The following NCK2 variants were observed in gnomAD, a reference collection of about 807,000 sequenced individuals.
NCK2 encodes the protein cytoplasmic protein NCK2.
Under a neutral mutation model 33.9 loss-of-function variants are expected in NCK2, and 16 were observed. The observed-to-expected ratio is 0.47, with a 90% CI of 0.32 to 0.72. The LOEUF is 0.72. NCK2 is among the 30% of genes least tolerant of loss of function. The probability of loss-of-function intolerance (pLI) is 0.03; values close to 1 mark genes in which losing one functional copy is unlikely to be tolerated. For synonymous variants in NCK2, 273 were observed against 239.9 expected (o/e 1.14, Z -1.27); for missense variants, 418 against 537.3 (o/e 0.78, Z 2.19).
At chr2:105,747,680 T>G (rs114027546) in intron 1 of NCK2, among the ~76,000 whole-genome samples, 329 of 152,346 alleles carry the variant, frequency 2.2e-3, no homozygotes, top group East Asian at 5.2e-3. Context: ...TCACTTCAGA[T>G]GCTTAGGAAA....
In NCK2 at chr2:105,891,565, T is replaced by TGAG. The variant is rs1678982509; in HGVS notation, c.949-1417_949-1416insGAG. On this transcript the variant is annotated intron_variant, in intron 4 of 4. Coordinates refer to ENST00000233154, the MANE Select transcript of NCK2 (RefSeq NM_003581.5). ...TTTTTTTTTTTTTTTTTTTTTTTTTTTTTGAGATTTTTCGCTCTTGTTGCC... is the reference window on the plus strand; with the variant it reads ...TTTTTTTTTTTTTTTTTTTTTTTTTTGAGTTTGAGATTTTTCGCTCTTGTTGCC... Among the ~76,000 whole-genome samples, 4 of 16,480 alleles carry TGAG rather than the reference T, an allele frequency of 2.4e-4. 1 individual carries two copies. The highest frequency in any genetic ancestry group is 1.6e-3 in the African/African-American group (3 of 1,824). The allele number at this position is 16,480 out of a possible 152,430, so 10.8% of individuals were successfully genotyped here.
At chr2:105,823,898 T>A (rs556426158) in intron 2 of NCK2, among the ~76,000 whole-genome samples, 1 of 152,170 alleles carries the variant, frequency 6.6e-6, no homozygotes, top group South Asian at 2.1e-4. Flanking sequence ...TCAAACGCCT[T>A]GTTCCGTGAC....
At chr2:105,844,766 A>ATATATG (rs1193124239) in intron 2 of NCK2, among the ~76,000 whole-genome samples, 4 of 132,728 alleles carry the variant, frequency 3.0e-5, no homozygotes, top group African/African-American at 2.6e-5. Context: ...ATATATATAT[A>ATATATG]TATGTATGTA....
chr2:105,770,409 A>G (rs901122861), intron 1 of NCK2, among the ~76,000 whole-genome samples: 12 of 152,172 alleles, frequency 7.9e-5, no homozygotes, highest in Non-Finnish European at 1.3e-4. Flanking sequence ...TGAGAGGTAG[A>G]TTTATGTGTC....
chr2:105,818,508 A>C (rs1675591737), intron 2 of NCK2, among the ~76,000 whole-genome samples: 1 of 152,062 alleles, frequency 6.6e-6, no homozygotes, highest in Non-Finnish European at 1.5e-5. Flanking sequence ...GCTTATAAGA[A>C]ATATATATTT....
chr2:105,827,889 CATG>C (rs1240387121), intron 2 of NCK2, among the ~76,000 whole-genome samples: 1 of 152,064 alleles, frequency 6.6e-6, no homozygotes, highest in Non-Finnish European at 1.5e-5. Flanking sequence ...TCTTGATTGG[CATG>C]GTGGTTATAG....
intron 1 of NCK2, among the ~76,000 whole-genome samples, chr2:105,762,835 A>G (rs1689810407): frequency 6.6e-6 from 1 of 152,242 alleles, no homozygotes; most frequent in South Asian, 2.1e-4. Context: ...CTATGTCTCA[A>G]GTTTGTTTTT....
At chr2:105,865,001 C>G (rs1384417789) in intron 3 of NCK2, among the ~76,000 whole-genome samples, 1 of 152,104 alleles carries the variant, frequency 6.6e-6, no homozygotes, top group African/African-American at 2.4e-5. Flanking sequence ...TCACCAGAGC[C>G]CTCCCCAGCA....
intron 1 of NCK2, among the ~76,000 whole-genome samples, chr2:105,756,089 T>C (rs936655847): frequency 2.0e-5 from 3 of 152,200 alleles, no homozygotes; most frequent in Non-Finnish European, 4.4e-5. Flanking sequence ...GAATGTTCTT[T>C]TTTTCTTTAA....
rs1052973020 is a variant in NCK2, at chr2:105,862,672, G to A, written c.226+7383G>A. ...GGTTCAAGGGTGAGGTGATAGTCAT[G>A]TATTGATATAAATTTACTGATTTTG... On this transcript the variant is annotated intron_variant, in intron 3 of 4. Transcript: ENST00000233154. 2.0e-5 allele frequency among the ~76,000 whole-genome samples: 3 copies of A among 152,214 alleles called. 1 individual carries two copies. Among genetic ancestry groups the A allele is most frequent in the East Asian group, 3.8e-4 (2 of 5,206 alleles).
At chr2:105,830,670 G>GGTGTGTGT (rs56220635) in intron 2 of NCK2, among the ~76,000 whole-genome samples, 1,313 of 99,014 alleles carry the variant, frequency 0.013, 23 homozygotes, top group African/African-American at 0.049. Context: ...CCAGGAATTT[G>GGTGTGTGT]GTGTGTGTGT....
intron 1 of NCK2, among the ~76,000 whole-genome samples, chr2:105,808,077 A>AT (rs1466024231): frequency 1.3e-5 from 2 of 151,874 alleles, no homozygotes; most frequent in Non-Finnish European, 2.9e-5. Flanking sequence ...TAGTTTTTGT[A>AT]TTTTTGGTAG....
chr2:105,773,014 C>A (rs1429133204), intron 1 of NCK2, among the ~76,000 whole-genome samples: 1 of 151,572 alleles, frequency 6.6e-6, no homozygotes, highest in African/African-American at 2.4e-5. Flanking sequence ...GCCTCTGCCT[C>A]CTTAGTAGCT....
At position 105,766,773 on chromosome 2, in the gene NCK2, C is replaced by A. The variant is rs555076077; in HGVS notation, c.-201+21635C>A. On this transcript the variant is annotated intron_variant, in intron 1 of 4. Transcript: ENST00000233154. Reference sequence around the variant, plus strand: ...CCAGACCTTTCCTTTACTCGGCTATCCCTCCATCTTGTGGGCATGCAGGAT... The same window carrying A: ...CCAGACCTTTCCTTTACTCGGCTATACCTCCATCTTGTGGGCATGCAGGAT... Among the ~76,000 whole-genome samples, 250 of 152,344 alleles carry A rather than the reference C, an allele frequency of 1.6e-3. 1 individual carries two copies. Among genetic ancestry groups the A allele is most frequent in the African/African-American group, 5.6e-3 (234 of 41,582 alleles).
intron 4 of NCK2, among the ~76,000 whole-genome samples, chr2:105,885,336 T>C (rs1678681770): frequency 6.6e-6 from 1 of 152,264 alleles, no homozygotes; most frequent in Non-Finnish European, 1.5e-5. Flanking sequence ...ACTGTCTCGC[T>C]AAGGATAATT....
At chr2:105,754,189 C>A (rs1481748393) in intron 1 of NCK2, among the ~76,000 whole-genome samples, 1 of 152,206 alleles carries the variant, frequency 6.6e-6, no homozygotes, top group Non-Finnish European at 1.5e-5. Flanking sequence ...TGCAGTCACA[C>A]TACCTCTCAT....
intron 1 of NCK2, among the ~76,000 whole-genome samples, chr2:105,778,157 C>T (rs1016459794): frequency 6.6e-6 from 1 of 152,222 alleles, no homozygotes; most frequent in African/African-American, 2.4e-5. Context: ...TGGCAGGCCT[C>T]TGGGACTGGG....
chr2:105,889,974 T>C (rs1193491770), intron 4 of NCK2, among the ~76,000 whole-genome samples: 1 of 152,188 alleles, frequency 6.6e-6, no homozygotes, highest in Non-Finnish European at 1.5e-5. Flanking sequence ...AACTAGTTCA[T>C]CTTCACACTT....
intron 2 of NCK2, among the ~76,000 whole-genome samples, chr2:105,823,141 TGTGTGTGTG>T (rs1675810030): frequency 2.8e-4 from 7 of 24,874 alleles, no homozygotes; most frequent in African/African-American, 1.9e-3. Flanking sequence ...GCTGTGTGTG[TGTGTGTGTG>T]TGTGTGTGTG....
Sources: allele counts gnomAD v4.1 joint callset (sites outside exome capture counted in the v4.1 genomes callset), GRCh38; gene constraint gnomAD v4.1.1; transcripts MANE v1.5; gene names NCBI Gene and HGNC (gene_info 2026-07-23, HGNC 2026-07-21).